SLC8A1: variants seen among roughly 807,000 people sequenced by gnomAD.
SLC8A1 encodes the protein solute carrier family 8 member A1.
SLC8A1 carries 18 observed loss-of-function variants against 68.3 expected under a neutral mutation model. The observed-to-expected ratio is 0.26, with a 90% CI of 0.18 to 0.39. The LOEUF (loss-of-function observed/expected upper bound fraction) is 0.39, where lower values mean the gene tolerates loss of function less well. Among genes scored for constraint, SLC8A1 ranks in the 10% least tolerant of loss-of-function variants. The pLI, the probability that SLC8A1 is intolerant of heterozygous loss-of-function variation, is 1.00. For missense variants in SLC8A1, 985 were observed against 1,156.7 expected (o/e 0.85, Z 2.15); for synonymous variants, 475 against 415.5 (o/e 1.14, Z -1.74).
chr2:40,437,588 T>C (rs946609753), intron 1 of SLC8A1, among the ~76,000 whole-genome samples: 1 of 152,096 alleles, frequency 6.6e-6, no homozygotes, highest in Non-Finnish European at 1.5e-5. Context: ...GAACGGATAA[T>C]GAACGGGAGC....
intron 2 of SLC8A1, among the ~76,000 whole-genome samples, chr2:40,413,863 A>T (rs548127325): frequency 6.6e-5 from 10 of 152,328 alleles, no homozygotes; most frequent in Middle Eastern, 3.4e-3. Flanking sequence ...GTTTTCTTAA[A>T]CTATAGGTTG....
chr2:40,240,531 A>G (rs1214591735), intron 2 of SLC8A1, among the ~76,000 whole-genome samples: 1 of 152,222 alleles, frequency 6.6e-6, no homozygotes, highest in Admixed American at 6.5e-5. Context: ...TGCTATATCC[A>G]ACAAGTCCCA....
intron 6 of SLC8A1, among the ~76,000 whole-genome samples, chr2:40,159,748 T>C (rs1235912893): frequency 6.6e-6 from 1 of 152,164 alleles, no homozygotes; most frequent in African/African-American, 2.4e-5. Context: ...ATATATTCAA[T>C]TGCAAAAAAC....
At chr2:40,486,117 G>A (rs1470653251) in intron 1 of SLC8A1, among the ~76,000 whole-genome samples, 2 of 152,088 alleles carry the variant, frequency 1.3e-5, no homozygotes, top group Non-Finnish European at 2.9e-5. Flanking sequence ...GGTTTTATAA[G>A]GGGCTTTCCC....
At chr2:40,330,793 T>C (rs942445561) in intron 2 of SLC8A1, among the ~76,000 whole-genome samples, 5 of 152,230 alleles carry the variant, frequency 3.3e-5, no homozygotes, top group South Asian at 2.1e-4. Context: ...TCATGATTAA[T>C]CAAGTAAATT....
intron 1 of SLC8A1, among the ~76,000 whole-genome samples, chr2:40,472,344 G>A (rs754923132): frequency 6.6e-6 from 1 of 151,916 alleles, no homozygotes; most frequent in Non-Finnish European, 1.5e-5. Flanking sequence ...CTTACTCCAG[G>A]GAGTTGGAGA....
chr2:40,485,106 A>C (rs1184697911), intron 1 of SLC8A1, among the ~76,000 whole-genome samples: 1 of 152,056 alleles, frequency 6.6e-6, no homozygotes, highest in Non-Finnish European at 1.5e-5. Context: ...ATCTGCTTGG[A>C]TTAGCAAAAA....
At chr2:40,270,214 A>G (rs970042425) in intron 2 of SLC8A1, among the ~76,000 whole-genome samples, 2 of 152,230 alleles carry the variant, frequency 1.3e-5, no homozygotes, top group Non-Finnish European at 2.9e-5. Flanking sequence ...CCATCATAGG[A>G]TCAGGGACCT....
At chr2:40,137,596 T>C (rs1269983685) in intron 7 of SLC8A1, among the ~76,000 whole-genome samples, 1 of 152,160 alleles carries the variant, frequency 6.6e-6, no homozygotes, top group Non-Finnish European at 1.5e-5. Context: ...TTTGGTTTTA[T>C]ATATAGTCTC....
At chr2:40,296,822 C>G (rs758214670) in intron 2 of SLC8A1, among the ~76,000 whole-genome samples, 4 of 152,158 alleles carry the variant, frequency 2.6e-5, no homozygotes, top group Admixed American at 1.3e-4. Flanking sequence ...ATGTCATCAT[C>G]AAGTTCACCA....
chr2:40,467,283 G>T (rs1255616488), intron 1 of SLC8A1, among the ~76,000 whole-genome samples: 1 of 152,116 alleles, frequency 6.6e-6, no homozygotes, highest in African/African-American at 2.4e-5. Context: ...TTTGCATACA[G>T]CTGAGAGTGT....
intron 2 of SLC8A1, among the ~76,000 whole-genome samples, chr2:40,345,018 G>C (rs1045034569): frequency 2.0e-5 from 3 of 152,192 alleles, no homozygotes; most frequent in African/African-American, 4.8e-5. Context: ...TTTTCAAAAA[G>C]TGACAAGAGG....
At chr2:40,252,924 TAC>T (rs1558965138) in intron 2 of SLC8A1, among the ~76,000 whole-genome samples, 22 of 128,626 alleles carry the variant, frequency 1.7e-4, no homozygotes, top group South Asian at 2.2e-4. Context: ...TATATATACA[TAC>T]ATGTATATGT....
At chr2:40,344,890 C>T (rs1023489749) in intron 2 of SLC8A1, among the ~76,000 whole-genome samples, 3 of 152,140 alleles carry the variant, frequency 2.0e-5, no homozygotes, top group Non-Finnish European at 4.4e-5. Flanking sequence ...GGTACATATA[C>T]TTCCCCACCC....
At chr2:40,325,560 A>C (rs2075721275) in intron 2 of SLC8A1, among the ~76,000 whole-genome samples, 1 of 152,160 alleles carries the variant, frequency 6.6e-6, no homozygotes, top group African/African-American at 2.4e-5. Context: ...ATATTATAAT[A>C]CCATTAAAAA....
chr2:40,378,820 C>T (rs988368824), intron 2 of SLC8A1, among the ~76,000 whole-genome samples: 1 of 152,092 alleles, frequency 6.6e-6, no homozygotes, highest in Non-Finnish European at 1.5e-5. Flanking sequence ...AATGGCCTTG[C>T]CCCTCATTTT....
intron 2 of SLC8A1, among the ~76,000 whole-genome samples, chr2:40,328,604 C>G (rs1024008413): frequency 2.0e-5 from 3 of 152,148 alleles, no homozygotes; most frequent in Non-Finnish European, 2.9e-5. Context: ...TTTTCCACTG[C>G]CTCTTACAGC....
intron 2 of SLC8A1, among the ~76,000 whole-genome samples, chr2:40,199,798 G>T (rs2053779640): frequency 6.6e-6 from 1 of 151,506 alleles, no homozygotes; most frequent in Non-Finnish European, 1.5e-5. Context: ...CTTACATTAG[G>T]CTCTTGTTCT....
Position 40,391,191 on chromosome 2 carries a change from T to TACACACACACGTATATATAC in SLC8A1, c.1808+37281_1808+37282insGTATATATACGTGTGTGTGT, listed in dbSNP as rs1339002902. ...TGTAGATGCGTGTGTGTATATATAT[T>TACACACACACGTATATATAC]ACACACACACATATGTCTGTGTGTA... is the stretch of plus-strand genomic sequence containing the variant. On this transcript the variant is annotated intron_variant, in intron 2 of 7. Transcript: ENST00000406785. Among the ~76,000 whole-genome samples, 78 of 13,982 alleles carry TACACACACACGTATATATAC rather than the reference T, an allele frequency of 5.6e-3. No individual in the cohort carries two copies. In the African/African-American group the frequency reaches 0.18, roughly 33 times the overall value. 9.2% of individuals were successfully genotyped at this position (13,982 alleles called of 152,430 possible).
Sources: allele counts gnomAD v4.1 joint callset (sites outside exome capture counted in the v4.1 genomes callset), GRCh38; gene constraint gnomAD v4.1.1; transcripts MANE v1.5; gene names NCBI Gene and HGNC (gene_info 2026-07-23, HGNC 2026-07-21).